ARSL: variants seen among roughly 807,000 people sequenced by gnomAD.
ARSL encodes the protein arylsulfatase L.
Under a neutral mutation model 31.1 loss-of-function variants are expected in ARSL, and 4 were observed. That is an observed-to-expected ratio of 0.13 (90% CI 0.06 to 0.29). ARSL has a LOEUF of 0.29. ARSL is among the 10% of genes least tolerant of loss of function. The pLI is 1.00. For missense variants in ARSL, 312 were observed against 497.8 expected, an observed-to-expected ratio of 0.63 and a Z score of 3.55; for synonymous variants, 198 against 209.9, an observed-to-expected ratio of 0.94 and a Z score of 0.49.
At chrX:2,943,251 T>C (rs1157430459) in intron 7 of ARSL, 52 bp from the exon 8 acceptor site, 9 of 1,195,249 alleles carry the variant, frequency 7.5e-6, no homozygotes, top group Non-Finnish European at 1.0e-5. Flanking sequence ...ATATCAGAAA[T>C]GCAGCTCTGA....
At position 2,949,621 on chromosome X, in the gene ARSL, A is replaced by G; in HGVS notation, c.537T>C (p.Gly179=). 8.3e-7 allele frequency: 1 copy of G among 1,211,441 alleles called. No individual in the cohort carries two copies. The highest frequency in any genetic ancestry group is 1.1e-6 in the Non-Finnish European group (1 of 895,492). ...HFYGMPFSLM[G]DCARWELSEK... ...CTGAGAGTTCCCAGCGGGCGCAATC[A>G]CCCATCAAGGAGAAAGGCATTCCGT... Residue 179 remains glycine (G), a synonymous_variant, in exon 6 of 11, where the codon GGT becomes GGC. Coordinates refer to ENST00000381134, the MANE Select transcript of ARSL (RefSeq NM_000047.3).
intron 1 of ARSL, among the ~76,000 whole-genome samples, chrX:2,962,869 G>A (rs1443837304): frequency 9.0e-6 from 1 of 111,269 alleles, no homozygotes; most frequent in Non-Finnish European, 1.9e-5. Flanking sequence ...CTTTGGAAAG[G>A]CTCATCAGAA....
intron 3 of ARSL, among the ~76,000 whole-genome samples, chrX:2,956,993 A>G (rs1273290315): frequency 9.6e-6 from 1 of 104,162 alleles, no homozygotes; most frequent in Non-Finnish European, 2.0e-5. Context: ...AGGCTGAGGC[A>G]GGCAGATCAC....
intron 1 of ARSL, among the ~76,000 whole-genome samples, chrX:2,963,993 G>C (rs2147423927): frequency 8.9e-6 from 1 of 111,897 alleles, no homozygotes; most frequent in South Asian, 3.8e-4. Flanking sequence ...GTGACCCAGA[G>C]CATGGGGCCT....
At position 2,960,385 on chromosome X, in the gene ARSL, G is replaced by A; in HGVS notation, c.16C>T (p.His6Tyr). Residue 6 changes from histidine to tyrosine, a missense_variant, in exon 2 of 11, where the codon CAT becomes TAT. Coordinates refer to ENST00000381134, the MANE Select transcript of ARSL (RefSeq NM_000047.3). MLHLH[H>Y]SCLCFRSWLP... The stretch of plus-strand genomic sequence containing the variant: ...CATATAATTGTATCTTACCAAGAAT[G>A]GTGCAGATGTAACATGTTGTCTCTC... 8.4e-7 allele frequency: 1 copy of A among 1,187,360 alleles called. No homozygotes were observed. The highest frequency in any genetic ancestry group is 1.1e-6 in the Non-Finnish European group (1 of 876,301).
At chrX:2,958,798 G>A (rs902781521) in intron 2 of ARSL, among the ~76,000 whole-genome samples, 1 of 111,241 alleles carries the variant, frequency 9.0e-6, no homozygotes. Flanking sequence ...ACCAGCCTGC[G>A]CAACATGGTG....
intron 3 of ARSL, among the ~76,000 whole-genome samples, chrX:2,957,792 T>G (rs1258630248): frequency 9.2e-6 from 1 of 109,048 alleles, no homozygotes; most frequent in Non-Finnish European, 1.9e-5. Context: ...GGCTGAGGTG[T>G]GTGGATCACT....
chrX:2,961,816 C>A lies in ARSL; in HGVS notation c.-20-1396G>T, dbSNP rs1477793532. ...TCAAAATAACCTTGGTCTCCACAATCTTTTCTCTTAACCTGAAGATTTCTT... is the reference window on the plus strand; with the variant it reads ...TCAAAATAACCTTGGTCTCCACAATATTTTCTCTTAACCTGAAGATTTCTT... On this transcript the variant is annotated intron_variant, in intron 1 of 10. Transcript: ENST00000381134. 3.7e-5 allele frequency among the ~76,000 whole-genome samples: 4 copies of A among 107,897 alleles called. No homozygotes were observed. In the South Asian group the frequency reaches 1.6e-3, roughly 44 times the overall value. The allele number at this position is 107,897 out of a possible 115,157, so 93.7% of individuals were successfully genotyped here.
chrX:2,961,302 G>C (rs1394500306), intron 1 of ARSL, among the ~76,000 whole-genome samples: 1 of 111,118 alleles, frequency 9.0e-6, no homozygotes, highest in Non-Finnish European at 1.9e-5. Context: ...ATAACAATTA[G>C]AGTTGCAGGC....
At chrX:2,956,879 T>G (rs1235072938) in intron 3 of ARSL, among the ~76,000 whole-genome samples, 2 of 110,297 alleles carry the variant, frequency 1.8e-5, no homozygotes, top group Non-Finnish European at 3.8e-5. Flanking sequence ...CTTGAATAAC[T>G]AGGATTACAG....
chrX:2,936,777 C>T lies in ARSL; in HGVS notation c.1376G>A (p.Arg459Lys), dbSNP rs2089207592. The T allele has an allele frequency of 3.3e-6, 4 of 1,209,715 alleles. No homozygotes were observed. The highest frequency in any genetic ancestry group is 4.5e-6 in the Non-Finnish European group (4 of 895,160). Reference sequence around the variant, plus strand: ...ATGCCACCTGGCTGCGTGCAGAAACCTCTCACAATAATGCATCAGGAACTC... The same window carrying T: ...ATGCCACCTGGCTGCGTGCAGAAACTTCTCACAATAATGCATCAGGAACTC... ...DHEFLMHYCE[R>K]FLHAARWHQR... The change falls in exon 10 of 11, where the codon AGG becomes AAG. Residue 459 changes from arginine to lysine, a missense_variant. Transcript: ENST00000381134.
At chrX:2,965,148 A>G (rs949209403), upstream of ARSL, among the ~76,000 whole-genome samples, 9 of 111,971 alleles carry the variant, frequency 8.0e-5, no homozygotes, top group Admixed American at 1.9e-4. Context: ...AAGAAATAAT[A>G]AAGATAAGAT....
In ARSL at chrX:2,943,126, G is replaced by A. The variant is rs376707494; in HGVS notation, c.1065C>T (p.Gly355=). Residue 355 remains glycine (G), a synonymous_variant, in exon 8 of 11, where the codon GGC becomes GGT. Coordinates refer to ENST00000381134, the MANE Select transcript of ARSL (RefSeq NM_000047.3). ...TTCCAAGTTGATTCTCTAGGGAACC[G>A]CCGTGATCCGACGTAAAATAAATGA... The part of the protein sequence containing the change: ...STLIYFTSDH[G]GSLENQLGNT... 1.4e-5 allele frequency: 17 copies of A among 1,208,569 alleles called. No homozygotes were observed. The highest frequency in any genetic ancestry group is 4.4e-5 in the Admixed American group (2 of 45,533).
At chrX:2,959,479 G>A in intron 2 of ARSL, 1 of 904,880 alleles carries the variant, frequency 1.1e-6, no homozygotes, top group South Asian at 2.9e-5. Context: ...CAGGGCCATA[G>A]TGTCCCAATC....
At chrX:2,963,258 C>T (rs1307512348) in intron 1 of ARSL, among the ~76,000 whole-genome samples, 1 of 111,560 alleles carries the variant, frequency 9.0e-6, no homozygotes. Context: ...ATAGCATCTT[C>T]ACCGGGAAAG....
chrX:2,955,157 G>A (rs1359820604), intron 4 of ARSL, among the ~76,000 whole-genome samples: 1 of 112,225 alleles, frequency 8.9e-6, no homozygotes. Flanking sequence ...GCCAAGGTCA[G>A]CAAAGCCCTA....
rs1450519948 is a variant in ARSL at position 2,955,438 on chromosome X, C to T, written c.285G>A (p.Thr95=). Residue 95 remains threonine, a synonymous_variant, in exon 4 of 11, where the codon ACG becomes ACA. Coordinates refer to ENST00000381134, the MANE Select transcript of ARSL (RefSeq NM_000047.3). ...LCTPSRAAFL[T]GRYPVRSGMV... is the part of the protein sequence containing the mutation. Reference sequence around the variant, plus strand: ...GACCTGATCGCACAGGGTATCTGCCCGTGAGGAAGGCGGCTCTGCTTGGGG... The same window carrying T: ...GACCTGATCGCACAGGGTATCTGCCTGTGAGGAAGGCGGCTCTGCTTGGGG... 7.4e-6 allele frequency: 9 copies of T among 1,210,444 alleles called. No homozygotes were observed. The highest frequency in any genetic ancestry group is 3.0e-5 in the East Asian group (1 of 33,793).
At chrX:2,961,427 G>A (rs1189208154) in intron 1 of ARSL, among the ~76,000 whole-genome samples, 1 of 111,360 alleles carries the variant, frequency 9.0e-6, no homozygotes, top group African/African-American at 3.3e-5. Flanking sequence ...CTATCTAAGG[G>A]GTCTGGAGAG....
At chrX:2,948,577 A>G (rs1213430199) in intron 6 of ARSL, among the ~76,000 whole-genome samples, 3 of 110,389 alleles carry the variant, frequency 2.7e-5, no homozygotes, top group East Asian at 5.7e-4. Context: ...CATAGCCTCA[A>G]CCTCCTGGGC....
Sources: gnomAD v4.1 joint callset for allele counts (sites outside exome capture counted in the v4.1 genomes callset) on GRCh38, gnomAD v4.1.1 for gene constraint, MANE v1.5 for transcripts, NCBI Gene and HGNC (gene_info 2026-07-23, HGNC 2026-07-21) for gene names.